Variants in APEH observed in about 807,000 individuals in gnomAD.
The protein encoded by APEH is acylaminoacyl-peptide hydrolase.
In APEH, 75 loss-of-function variants were observed where a neutral mutation model predicts 102.7. The ratio of observed to expected loss-of-function variants is 0.73; its 90% CI spans 0.61 to 0.89. APEH has a LOEUF of 0.89. Among genes scored for constraint, APEH ranks in the 40% least tolerant of loss-of-function variants. The pLI is 0.00. For synonymous variants in APEH, 344 were observed against 362.7 expected, an observed-to-expected ratio of 0.95 and a Z score of 0.59; for missense variants, 863 against 941.2, an observed-to-expected ratio of 0.92 and a Z score of 1.09.
Position 49,683,246 on chromosome 3 carries a change from C to T in APEH, c.2103C>T (p.Leu701=), listed in dbSNP as rs141756601. 34 of 1,613,734 alleles carry T rather than the reference C, an allele frequency of 2.1e-5. No individual in the cohort carries two copies. Among genetic ancestry groups the T allele is most frequent in the Non-Finnish European group, 2.5e-5 (30 of 1,179,780 alleles). The change falls in exon 22 of 22, where the codon CTC becomes CTT. Residue 701 remains leucine (L), a synonymous_variant. Coordinates refer to ENST00000296456, the MANE Select transcript of APEH (RefSeq NM_001640.4). The part of the protein sequence containing the change: ...KTRNVPVRLL[L]YPKSTHALSE... ...TGACTAATCCCTACAGGCTCCTGCT[C>T]TATCCCAAAAGCACCCACGCATTAT...
At position 49,681,891 on chromosome 3, in the gene APEH, G is replaced by A. The variant is rs201882129; in HGVS notation, c.1527G>A (p.Gly509=). ...CCCTCCGCTCCCTGTCTGCAGGGGG[G>A]CCCCATTCATCCTTTGTCACTGCCT... is the stretch of plus-strand genomic sequence containing the variant. ...QVPMVVMPHG[G]PHSSFVTAWM... is the part of the protein sequence containing the mutation. Residue 509 remains glycine, a synonymous_variant, in exon 17 of 22, where the codon GGG becomes GGA. Coordinates refer to ENST00000296456, the MANE Select transcript of APEH (RefSeq NM_001640.4). The A allele has an allele frequency of 2.2e-5, 35 of 1,614,068 alleles. No homozygotes were observed. Among genetic ancestry groups the A allele is most frequent in the Admixed American group, 2.2e-4 (13 of 60,030 alleles).
chr3:49,677,497 G>A lies in APEH; in HGVS notation c.1000-76G>A, dbSNP rs926144322. 4.5e-5 allele frequency: 61 copies of A among 1,363,562 alleles called. No individual in the cohort carries two copies. In the African/African-American group the frequency reaches 5.5e-4, roughly 12 times the overall value. 84.5% of individuals were successfully genotyped at this position (1,363,562 alleles called of 1,614,324 possible). On this transcript the variant is annotated intron_variant, in intron 10 of 21. Coordinates refer to ENST00000296456, the MANE Select transcript of APEH (RefSeq NM_001640.4). Reference sequence around the variant, plus strand: ...CTCCTGGGGCTACCTGAGGCAAAAGGGGATAGGCACAGGGCACTGTGCCCT... The same window carrying A: ...CTCCTGGGGCTACCTGAGGCAAAAGAGGATAGGCACAGGGCACTGTGCCCT...
At chr3:49,681,664 G>T (rs560155158) in intron 15 of APEH, 58 bp from the exon 16 acceptor site, 1 of 1,405,532 alleles carries the variant, frequency 7.1e-7, no homozygotes, top group South Asian at 1.4e-5. Context: ...CTAGAGATGG[G>T]GCCTTAGTTG....
chr3:49,674,218 T>A (rs573429038), upstream of APEH: 1 of 736,708 alleles, frequency 1.4e-6, no homozygotes, highest in South Asian at 1.9e-5. Context: ...CCAGGCCGGG[T>A]CCTCTCACCG....
At chr3:49,674,181 C>T (rs1332311935), upstream of APEH, 4 of 599,854 alleles carry the variant, frequency 6.7e-6, no homozygotes, top group East Asian at 9.4e-5. Context: ...GAGACCCCTG[C>T]TCTCACCCAC....
At position 49,674,387 on chromosome 3, in the gene APEH, G is replaced by C; in HGVS notation, c.-15G>C. On this transcript the variant is annotated 5_prime_UTR_variant, in exon 1 of 22. Transcript: ENST00000296456. ...CGAGCACGCCCCGCCTCGCCCCGGC[G>C]GCAGAGAGGAGACTATGGAACGTCA... is the stretch of plus-strand genomic sequence containing the variant. The C allele has an allele frequency of 6.4e-7, 1 of 1,571,122 alleles. No homozygotes were observed. Among genetic ancestry groups the C allele is most frequent in the Non-Finnish European group, 8.6e-7 (1 of 1,165,348 alleles).
Position 49,681,192 on chromosome 3 carries a change from G to T in APEH, c.1391G>T (p.Gly464Val). 27 of 1,609,276 alleles carry T rather than the reference G, an allele frequency of 1.7e-5. No individual in the cohort carries two copies. The highest frequency in any genetic ancestry group is 2.3e-5 in the Non-Finnish European group (27 of 1,177,322). Residue 464 changes from glycine to valine, a missense_variant, in exon 15 of 22, where the codon GGC (glycine) becomes GTC (valine). Gly to Val is a moderately radical substitution (Grantham distance 109). Coordinates refer to ENST00000296456, the MANE Select transcript of APEH (RefSeq NM_001640.4). ...GAGCCCATTCCCGACATCCACTGGGGCATCCGGGTGCTACAGCCACCCCCA... is the reference window on the plus strand; with the variant it reads ...GAGCCCATTCCCGACATCCACTGGGTCATCCGGGTGCTACAGCCACCCCCA... ...EAEPIPDIHW[G>V]IRVLQPPPEQ...
chr3:49,682,389 C>T lies in APEH; in HGVS notation c.1645C>T (p.Leu549Phe), dbSNP rs760706667. 3.1e-6 allele frequency: 5 copies of T among 1,614,076 alleles called. No individual in the cohort carries two copies. The South Asian group carries it at 5.5e-5, about 18-fold the overall frequency. ...GSTGFGQDSI[L>F]SLPGNVGHQD... The stretch of plus-strand genomic sequence containing the variant: ...CACGGGCTTTGGCCAGGACAGCATC[C>T]TCTCCCTCCCAGGCAATGTGGGCCA... The change falls in exon 18 of 22, where the codon CTC becomes TTC. Residue 549 changes from leucine (L) to phenylalanine (F), a missense_variant. Leu to Phe is a conservative substitution (Grantham distance 22). Transcript: ENST00000296456.
chr3:49,677,123 T>G (rs766139431), intron 10 of APEH, 99 bp downstream of exon 10: 1 of 1,529,160 alleles, frequency 6.5e-7, no homozygotes, highest in Non-Finnish European at 8.9e-7. Flanking sequence ...AGGCCCTCAG[T>G]AGGTGCCCTT....
rs1447929697 is a variant in APEH at position 49,681,807 on chromosome 3, T to C, written c.1522+2T>C. The C allele has an allele frequency of 6.2e-7, 1 of 1,611,912 alleles. No homozygotes were observed. Among genetic ancestry groups the C allele is most frequent in the African/African-American group, 1.3e-5 (1 of 74,922 alleles). On this transcript the variant is annotated splice_donor_variant, in intron 16 of 21. Coordinates refer to ENST00000296456, the MANE Select transcript of APEH (RefSeq NM_001640.4). LOFTEE classifies it high-confidence loss of function. ...TGCCCATGGTGGTCATGCCCCACGG[T>C]AGGCATCTGGCGTTAAGAGCCCTTG...
At chr3:49,680,011 C>T in intron 13 of APEH, 1 of 244,102 alleles carries the variant, frequency 4.1e-6, no homozygotes, top group South Asian at 5.0e-5. Flanking sequence ...CAGGCAGAGG[C>T]AGCTCTGCCA....
intron 7 of APEH, 33 bp from the exon 8 acceptor site, chr3:49,676,576 T>C: frequency 6.2e-7 from 1 of 1,614,212 alleles, no homozygotes. Flanking sequence ...CTACCACCCC[T>C]TGCTCACTCC....
chr3:49,676,722 A>C, intron 8 of APEH, 22 bp downstream of exon 8: 1 of 1,614,170 alleles, frequency 6.2e-7, no homozygotes, highest in Non-Finnish European at 8.5e-7. Context: ...GGGCAAGGCA[A>C]GGGGCCTTGC....
chr3:49,682,671 C>G lies in APEH; in HGVS notation c.1818C>G (p.Ala606=). ...LIGQYPETYR[A]CVARNPVINI... ...GTCAGTACCCAGAGACCTACAGGGC[C>G]TGCGTGGCCCGGAACCCCGTGATCA... is the stretch of plus-strand genomic sequence containing the variant. Residue 606 remains alanine (A), a synonymous_variant, in exon 19 of 22, where the codon GCC becomes GCG. Transcript: ENST00000296456. 1 of 1,614,018 alleles carries G rather than the reference C, an allele frequency of 6.2e-7. No homozygotes were observed. Among genetic ancestry groups the G allele is most frequent in the Non-Finnish European group, 8.5e-7 (1 of 1,180,018 alleles).
chr3:49,682,184 G>T (rs2108128983), intron 17 of APEH, among the ~76,000 whole-genome samples, 164 bp from the exon 18 acceptor site: 1 of 152,356 alleles, frequency 6.6e-6, no homozygotes, highest in African/African-American at 2.4e-5. Flanking sequence ...AGGGCGCTGT[G>T]GTCACTGGGT....
At position 49,682,448 on chromosome 3, in the gene APEH, T is replaced by C. The variant is rs1401212662; in HGVS notation, c.1692+12T>C. ...TGAAGGATGTCCAGGTAGCAGGGGCTGGGGCTTCTGGACAGGCTGAAACAT... is the reference window on the plus strand; with the variant it reads ...TGAAGGATGTCCAGGTAGCAGGGGCCGGGGCTTCTGGACAGGCTGAAACAT... On this transcript the variant is annotated intron_variant, in intron 18 of 21. Transcript: ENST00000296456. 5.6e-6 allele frequency: 9 copies of C among 1,613,234 alleles called. No individual in the cohort carries two copies.
Position 49,679,521 on chromosome 3 carries a change from T to C in APEH, c.1159-72T>C. The C allele has an allele frequency of 3.3e-6, 5 of 1,511,602 alleles. No homozygotes were observed. Among genetic ancestry groups the C allele is most frequent in the Non-Finnish European group, 4.6e-6 (5 of 1,089,414 alleles). 93.6% of individuals were successfully genotyped at this position (1,511,602 alleles called of 1,614,324 possible). ...GCTCTCCAAGAGGGTAGAGAGGAGG[T>C]AGGGGAGGGACCCATAGGTAGAGGG... On this transcript the variant is annotated intron_variant, in intron 12 of 21. Coordinates refer to ENST00000296456, the MANE Select transcript of APEH (RefSeq NM_001640.4). The surrounding 1 kb of genome is among the most constrained non-coding windows in gnomAD (Gnocchi z 4.3).
rs773441348 is a variant in APEH, at chr3:49,683,318, G to A, written c.2175G>A (p.Trp725Ter). 6.2e-7 allele frequency: 1 copy of A among 1,613,576 alleles called. No individual in the cohort carries two copies. The highest frequency in any genetic ancestry group is 8.5e-7 in the Non-Finnish European group (1 of 1,179,726). ...ESDSFMNAVL[W>*]LRTHLGS Reference sequence around the variant, plus strand: ...ACAGCTTCATGAATGCTGTGCTCTGGCTACGCACACACTTGGGCAGCTGAA... The same window carrying A: ...ACAGCTTCATGAATGCTGTGCTCTGACTACGCACACACTTGGGCAGCTGAA... The change falls in exon 22 of 22, where the codon TGG becomes TGA. Residue 725 changes from tryptophan to a stop codon, truncating the protein, a stop_gained. Transcript: ENST00000296456. LOFTEE classifies it high-confidence loss of function.
chr3:49,674,207 C>T, upstream of APEH: 1 of 694,108 alleles, frequency 1.4e-6, no homozygotes, highest in South Asian at 2.0e-5. Context: ...ACTTCTCGCT[C>T]CCAGGCCGGG....
Sources: allele counts gnomAD v4.1 joint callset (sites outside exome capture counted in the v4.1 genomes callset), GRCh38; gene constraint gnomAD v4.1.1; non-coding constraint Gnocchi (gnomAD v3.1); transcripts MANE v1.5; gene names NCBI Gene and HGNC (gene_info 2026-07-23, HGNC 2026-07-21).